Variants in MAML2 observed in about 807,000 individuals in gnomAD.
MAML2 encodes the protein mastermind-like protein 2.
A neutral mutation model predicts 96.1 loss-of-function variants in MAML2; 22 were observed. That is an observed-to-expected ratio of 0.23 (90% confidence interval 0.16 to 0.33). MAML2 has a LOEUF of 0.33. Ranked by LOEUF, MAML2 falls within the 10% of genes least tolerant of loss-of-function variation. The probability of loss-of-function intolerance (pLI) is 1.00; values close to 1 mark genes in which losing one functional copy is unlikely to be tolerated. For missense variants in MAML2, 1,367 were observed against 1,392.4 expected, an observed-to-expected ratio of 0.98 and a Z score of 0.29; for synonymous variants, 561 against 521.3, an observed-to-expected ratio of 1.08 and a Z score of -1.04.
chr11:96,123,315 T>C (rs80290996), intron 1 of MAML2, among the ~76,000 whole-genome samples: 2 of 152,058 alleles, frequency 1.3e-5, no homozygotes, highest in Non-Finnish European at 1.5e-5. Flanking sequence ...TTTTTTTTTT[T>C]CACGTATCTG....
At chr11:96,044,338 T>C (rs1457669533) in intron 2 of MAML2, among the ~76,000 whole-genome samples, 1 of 152,208 alleles carries the variant, frequency 6.6e-6, no homozygotes, top group Admixed American at 6.5e-5. Flanking sequence ...AACCTATTTG[T>C]CATGACATGT....
chr11:96,217,018 G>C (rs1862060072), intron 1 of MAML2, among the ~76,000 whole-genome samples: 1 of 152,198 alleles, frequency 6.6e-6, no homozygotes, highest in Non-Finnish European at 1.5e-5. Context: ...TGGAGACCAG[G>C]GAGTGTGAGA....
intron 1 of MAML2, among the ~76,000 whole-genome samples, chr11:96,264,111 C>T (rs932808696): frequency 1.3e-5 from 2 of 152,198 alleles, no homozygotes; most frequent in African/African-American, 2.4e-5. Flanking sequence ...TATTGTTCTA[C>T]ATTTACCCAC....
intron 2 of MAML2, among the ~76,000 whole-genome samples, chr11:96,064,029 A>T (rs1859208177): frequency 1.3e-5 from 2 of 152,162 alleles, no homozygotes; most frequent in Non-Finnish European, 1.5e-5. Flanking sequence ...AAGCCTCCTG[A>T]TTGGCTGGCT....
chr11:96,149,943 G>A (rs899788066), intron 1 of MAML2, among the ~76,000 whole-genome samples: 1 of 151,970 alleles, frequency 6.6e-6, no homozygotes, highest in Admixed American at 6.6e-5. Context: ...GTTCTTAACT[G>A]TCACCTCAAT....
At position 95,985,596 on chromosome 11, in the gene MAML2, G is replaced by A. The variant is rs1449914417; in HGVS notation, c.2390C>T (p.Pro797Leu). The A allele has an allele frequency of 6.2e-7, 1 of 1,612,578 alleles. No individual in the cohort carries two copies. The highest frequency in any genetic ancestry group is 1.3e-5 in the African/African-American group (1 of 74,868). Reference protein sequence around the residue: ...QDQINRHLSRPPPDYKDQRRN... With the variant: ...QDQINRHLSRLPPDYKDQRRN... ...TCTTTGGTCTTTATAATCTGGAGGTGGCCTTGACAAATGTCGGTTTATCTG... is the reference window on the plus strand; with the variant it reads ...TCTTTGGTCTTTATAATCTGGAGGTAGCCTTGACAAATGTCGGTTTATCTG... Residue 797 changes from proline to leucine, a missense_variant, in exon 4 of 5, where the codon CCA (proline) becomes CTA (leucine). Coordinates refer to ENST00000524717, the MANE Select transcript of MAML2 (RefSeq NM_032427.4).
rs116644817 is a variant in MAML2, at chr11:96,158,167, A to T, written c.514-64650T>A. On this transcript the variant is annotated intron_variant, in intron 1 of 4. Transcript: ENST00000524717. ...TCTTGCTAAAATGAATTACATGGAT[A>T]ATAGGTGCTACAAGAGTCCTATACA... Among the ~76,000 whole-genome samples the T allele has an allele frequency of 6.3e-3, 967 of 152,356 alleles. 15 individuals are homozygous for T. The highest frequency in any genetic ancestry group is 0.021 in the African/African-American group (880 of 41,588).
chr11:96,105,131 G>A (rs1397494533), intron 1 of MAML2, among the ~76,000 whole-genome samples: 1 of 152,184 alleles, frequency 6.6e-6, no homozygotes, highest in African/African-American at 2.4e-5. Flanking sequence ...GCTGGAAAGA[G>A]GCCAAATGGA....
intron 1 of MAML2, among the ~76,000 whole-genome samples, chr11:96,256,120 C>T (rs1005592195): frequency 3.3e-5 from 5 of 151,862 alleles, no homozygotes; most frequent in Non-Finnish European, 5.9e-5. Flanking sequence ...GTGATCCACC[C>T]GCCTCGGCCT....
At chr11:96,256,146 T>A (rs954622303) in intron 1 of MAML2, among the ~76,000 whole-genome samples, 2 of 152,002 alleles carry the variant, frequency 1.3e-5, no homozygotes, top group Non-Finnish European at 2.9e-5. Context: ...AGTAGTGGGA[T>A]TACAGGTGTG....
chr11:96,340,397 G>T lies in MAML2; in HGVS notation c.513+986C>A, dbSNP rs945401625. On this transcript the variant is annotated intron_variant, in intron 1 of 4. Coordinates refer to ENST00000524717, the MANE Select transcript of MAML2 (RefSeq NM_032427.4). Reference sequence around the variant, plus strand: ...GAAGCCTGCAGGGCCACAGGGCAGGGTTCTACCTTCCACCAGAGGCCACTG... The same window carrying T: ...GAAGCCTGCAGGGCCACAGGGCAGGTTTCTACCTTCCACCAGAGGCCACTG... Among the ~76,000 whole-genome samples the T allele has an allele frequency of 2.6e-5, 4 of 152,202 alleles. No individual in the cohort carries two copies. The South Asian group carries it at 6.2e-4, about 24-fold the overall frequency.
Position 96,342,051 on chromosome 11 carries a change from T to C in MAML2, c.-156A>G, listed in dbSNP as rs1864004196. The C allele has an allele frequency of 1.5e-6, 1 of 666,632 alleles. No individual in the cohort carries two copies. Among genetic ancestry groups the C allele is most frequent in the Non-Finnish European group, 2.4e-6 (1 of 411,116 alleles). The allele number at this position is 666,632 out of a possible 1,614,324, so 41.3% of individuals were successfully genotyped here. On this transcript the variant is annotated 5_prime_UTR_variant, in exon 1 of 5. Transcript: ENST00000524717. ...AGGTTGTGGGGGAGCCGTGGAGAAG[T>C]TGTGGGGGAGGGGAGTTAGTAAAAA... is the stretch of plus-strand genomic sequence containing the variant.
chr11:96,085,168 A>ATGTGTGTG (rs36001457), intron 2 of MAML2, among the ~76,000 whole-genome samples: 1 of 150,372 alleles, frequency 6.7e-6, no homozygotes, highest in African/African-American at 2.4e-5. Flanking sequence ...GGCTATGCGT[A>ATGTGTGTG]TGTGTGTGTG....
intron 1 of MAML2, among the ~76,000 whole-genome samples, chr11:96,131,363 C>T (rs1379839594): frequency 1.3e-5 from 2 of 152,108 alleles, no homozygotes; most frequent in African/African-American, 2.4e-5. Flanking sequence ...CAATAATGCA[C>T]AGAACAACTA....
At chr11:96,299,081 A>ATAT (rs1487119307) in intron 1 of MAML2, among the ~76,000 whole-genome samples, 3 of 136,402 alleles carry the variant, frequency 2.2e-5, no homozygotes, top group African/African-American at 8.3e-5. Flanking sequence ...ATATATATAT[A>ATAT]AAATTTCACC....
intron 2 of MAML2, among the ~76,000 whole-genome samples, chr11:96,033,304 C>T (rs1858648285): frequency 6.6e-6 from 1 of 152,180 alleles, no homozygotes; most frequent in Non-Finnish European, 1.5e-5. Flanking sequence ...CAACATTTAT[C>T]ATGTAGTACC....
intron 1 of MAML2, among the ~76,000 whole-genome samples, chr11:96,248,301 G>A (rs528720076): frequency 4.0e-5 from 6 of 150,610 alleles, no homozygotes; most frequent in South Asian, 2.1e-4. Flanking sequence ...TAGTAGAGGC[G>A]GGGTTTCATC....
intron 1 of MAML2, among the ~76,000 whole-genome samples, chr11:96,166,170 CT>C (rs1404858725): frequency 1.7e-5 from 2 of 116,406 alleles, no homozygotes; most frequent in African/African-American, 6.5e-5. Flanking sequence ...CTCTCTCTCT[CT>C]CTCTCTCACA....
At chr11:96,156,076 T>A (rs1861006868) in intron 1 of MAML2, among the ~76,000 whole-genome samples, 1 of 152,198 alleles carries the variant, frequency 6.6e-6, no homozygotes, top group South Asian at 2.1e-4. Context: ...CCTCTGCCTG[T>A]CTGCAGACAG....
Sources: allele counts gnomAD v4.1 joint callset (sites outside exome capture counted in the v4.1 genomes callset), GRCh38; gene constraint gnomAD v4.1.1; transcripts MANE v1.5; gene names NCBI Gene and HGNC (gene_info 2026-07-23, HGNC 2026-07-21).